Variants in COX10 observed in about 807,000 individuals in gnomAD.
COX10 encodes protoheme IX farnesyltransferase, mitochondrial.
A neutral mutation model predicts 37.3 loss-of-function variants in COX10; 27 were observed. That is an observed-to-expected ratio of 0.72 (90% CI 0.53 to 1.00). The LOEUF is 1.00. COX10 is among the 50% of genes least tolerant of loss of function. The pLI, the probability that COX10 is intolerant of heterozygous loss-of-function variation, is 0.00. For missense variants in COX10, 475 were observed against 563.2 expected, an observed-to-expected ratio of 0.84 and a Z score of 1.59; for synonymous variants, 222 against 229.1, an observed-to-expected ratio of 0.97 and a Z score of 0.28.
chr17:14,130,904 C>T (rs189457137), intron 4 of COX10, among the ~76,000 whole-genome samples: 75 of 152,242 alleles, frequency 4.9e-4, no homozygotes, highest in South Asian at 3.7e-3. Flanking sequence ...TCTTCAAACA[C>T]TGTTTGAAAA....
At chr17:14,111,058 A>G (rs1000437958) in intron 4 of COX10, among the ~76,000 whole-genome samples, 15 of 152,074 alleles carry the variant, frequency 9.9e-5, no homozygotes, top group African/African-American at 3.6e-4. Flanking sequence ...TTTAACCCAG[A>G]CTACCTTTTG....
intron 4 of COX10, among the ~76,000 whole-genome samples, chr17:14,134,992 A>G (rs1461239568): frequency 6.6e-6 from 1 of 151,584 alleles, no homozygotes; most frequent in Admixed American, 6.6e-5. Context: ...GCATAGCACT[A>G]TTTTTTCTTT....
At chr17:14,083,253 G>C (rs1342083200) in intron 3 of COX10, among the ~76,000 whole-genome samples, 1 of 152,138 alleles carries the variant, frequency 6.6e-6, no homozygotes, top group Non-Finnish European at 1.5e-5. Flanking sequence ...TCCATTTAAA[G>C]AAGCAGCACC....
At chr17:14,150,722 C>T (rs935671041) in intron 4 of COX10, among the ~76,000 whole-genome samples, 2 of 152,140 alleles carry the variant, frequency 1.3e-5, no homozygotes, top group Non-Finnish European at 1.5e-5. Flanking sequence ...TCACTGTGTC[C>T]AGGAGCAGTG....
chr17:14,129,889 C>CT (rs1916426381), intron 4 of COX10, among the ~76,000 whole-genome samples: 1 of 152,126 alleles, frequency 6.6e-6, no homozygotes, highest in African/African-American at 2.4e-5. Context: ...TTTCTTCAGC[C>CT]TGTGCATCAG....
intron 3 of COX10, among the ~76,000 whole-genome samples, chr17:14,100,453 G>C (rs1046975660): frequency 2.0e-5 from 3 of 152,104 alleles, no homozygotes; most frequent in African/African-American, 4.8e-5. Context: ...GAGTAACTGG[G>C]GAGACTTACG....
intron 4 of COX10, among the ~76,000 whole-genome samples, chr17:14,136,327 A>G (rs1296177675): frequency 6.6e-6 from 1 of 152,098 alleles, no homozygotes; most frequent in South Asian, 2.1e-4. Flanking sequence ...CAGAGATGAC[A>G]TAAAAATGAA....
chr17:14,149,144 T>C (rs1448552765), intron 4 of COX10, among the ~76,000 whole-genome samples: 2 of 151,656 alleles, frequency 1.3e-5, no homozygotes. Context: ...ATTTTTGTCA[T>C]GTGAGTATGA....
At chr17:14,196,013 G>T (rs1340702342) in intron 6 of COX10, among the ~76,000 whole-genome samples, 3 of 151,932 alleles carry the variant, frequency 2.0e-5, no homozygotes, top group Non-Finnish European at 2.9e-5. Flanking sequence ...TTATCTTAGG[G>T]GACATGTATA....
intron 5 of COX10, among the ~76,000 whole-genome samples, chr17:14,185,266 G>C (rs922881402): frequency 1.2e-4 from 17 of 147,574 alleles, no homozygotes; most frequent in Admixed American, 4.1e-4. Context: ...ATCCATCTAG[G>C]AATGGGAAGA....
At chr17:14,137,955 T>G (rs867576004) in intron 4 of COX10, among the ~76,000 whole-genome samples, 4 of 145,582 alleles carry the variant, frequency 2.7e-5, no homozygotes, top group Admixed American at 1.4e-4. Flanking sequence ...ATTCAGTTTT[T>G]TTTTTTTTTT....
chr17:14,111,317 T>TCCTA, intron 4 of COX10, among the ~76,000 whole-genome samples: 1 of 152,260 alleles, frequency 6.6e-6, no homozygotes, highest in Admixed American at 6.5e-5. Context: ...TTCCTTCAGA[T>TCCTA]CCTATGCCAG....
At chr17:14,120,027 A>G (rs1430644518) in intron 4 of COX10, among the ~76,000 whole-genome samples, 1 of 152,148 alleles carries the variant, frequency 6.6e-6, no homozygotes, top group Non-Finnish European at 1.5e-5. Context: ...AAAGATATTT[A>G]AGAGATAAAA....
At chr17:14,182,121 T>A (rs1228252581) in intron 5 of COX10, 14 of 983,990 alleles carry the variant, frequency 1.4e-5, no homozygotes, top group Non-Finnish European at 1.7e-5. Flanking sequence ...TTGAAAAAAA[T>A]TATTAATATA....
At chr17:14,147,970 A>T (rs1904774495) in intron 4 of COX10, among the ~76,000 whole-genome samples, 1 of 151,712 alleles carries the variant, frequency 6.6e-6, no homozygotes, top group Non-Finnish European at 1.5e-5. Flanking sequence ...CTCTGGAAGG[A>T]AAAAGGGGTC....
intron 5 of COX10, among the ~76,000 whole-genome samples, chr17:14,168,846 T>A (rs1905369272): frequency 6.6e-6 from 1 of 152,254 alleles, no homozygotes; most frequent in Non-Finnish European, 1.5e-5. Context: ...TGGGAGGGGC[T>A]GCAGCAAAGA....
At chr17:14,110,599 T>C (rs1351571366) in intron 4 of COX10, among the ~76,000 whole-genome samples, 1 of 152,042 alleles carries the variant, frequency 6.6e-6, no homozygotes, top group Non-Finnish European at 1.5e-5. Flanking sequence ...AAAGTAACGC[T>C]CTTTTCTAAT....
At chr17:14,107,551 A>G (rs1597503619) in intron 4 of COX10, among the ~76,000 whole-genome samples, 3 of 151,344 alleles carry the variant, frequency 2.0e-5, no homozygotes, top group South Asian at 2.1e-4. Flanking sequence ...TTTTTCCACA[A>G]GTGTTCCCAT....
chr17:14,191,797 G>T (rs1180953665), intron 5 of COX10, among the ~76,000 whole-genome samples, 192 bp from the exon 6 acceptor site: 2 of 152,162 alleles, frequency 1.3e-5, no homozygotes, highest in Non-Finnish European at 2.9e-5. Flanking sequence ...AGCAGCCAGA[G>T]CTCCCACAAA....
Sources: allele counts gnomAD v4.1 joint callset (sites outside exome capture counted in the v4.1 genomes callset), GRCh38; gene constraint gnomAD v4.1.1; transcripts MANE v1.5; gene names NCBI Gene and HGNC (gene_info 2026-07-23, HGNC 2026-07-21).